CD9: variants seen among roughly 807,000 people sequenced by gnomAD.
CD9 encodes the protein CD9 antigen.
CD9 carries 10 observed loss-of-function variants against 31.4 expected under a neutral mutation model. The ratio of observed to expected loss-of-function variants is 0.32; its 90% CI spans 0.20 to 0.54. CD9 has a LOEUF of 0.54. CD9 is among the 20% of genes least tolerant of loss of function. The pLI is 0.94. For missense variants in CD9, 259 were observed against 300.1 expected (o/e 0.86, Z 1.01); for synonymous variants, 113 against 114.1 (o/e 0.99, Z 0.06).
At chr12:6,200,686 G>A in intron 1 of CD9, 121 bp downstream of exon 1, 1 of 614,586 alleles carries the variant, frequency 1.6e-6, no homozygotes, top group Non-Finnish European at 2.8e-6. Context: ...GCACCGGGCG[G>A]GAAGAGAGAG....
At chr12:6,227,037 C>T (rs1160788789) in intron 2 of CD9, among the ~76,000 whole-genome samples, 1 of 152,142 alleles carries the variant, frequency 6.6e-6, no homozygotes, top group Non-Finnish European at 1.5e-5. Context: ...AAGAGAGACT[C>T]AGTCCTCCCT....
chr12:6,235,845 C>A, intron 6 of CD9: 1 of 1,370,526 alleles, frequency 7.3e-7, no homozygotes, highest in South Asian at 1.8e-5. Flanking sequence ...GTCTTGGACT[C>A]CCACTCTGAC....
intron 1 of CD9, among the ~76,000 whole-genome samples, chr12:6,203,173 G>A (rs1946094691): frequency 6.6e-6 from 1 of 152,162 alleles, no homozygotes; most frequent in Non-Finnish European, 1.5e-5. Flanking sequence ...CCATTTCCCA[G>A]AGAGGTTAGG....
chr12:6,236,653 A>G (rs1476313469), intron 7 of CD9: 12 of 420,658 alleles, frequency 2.9e-5, no homozygotes, highest in Non-Finnish European at 5.0e-5. Flanking sequence ...GAATTGTTCC[A>G]TTTCCTGAAG....
At chr12:6,230,371 G>A (rs372532012) in intron 2 of CD9, among the ~76,000 whole-genome samples, 4 of 152,206 alleles carry the variant, frequency 2.6e-5, no homozygotes, top group South Asian at 2.1e-4. Flanking sequence ...CTTTCTCTGC[G>A]TGGGAAATAC....
At chr12:6,223,986 C>G (rs928210423) in intron 1 of CD9, among the ~76,000 whole-genome samples, 1 of 152,174 alleles carries the variant, frequency 6.6e-6, no homozygotes, top group Non-Finnish European at 1.5e-5. Context: ...TCTCCTCTGC[C>G]TTGTCCAGCC....
intron 6 of CD9, chr12:6,235,825 G>A (rs544795918): frequency 1.6e-5 from 22 of 1,377,162 alleles, no homozygotes; most frequent in African/African-American, 5.8e-5. Context: ...AAGGGCAGGC[G>A]TGCTTCTGAG....
chr12:6,232,876 C>A lies in CD9; in HGVS notation c.273+147C>A. The A allele has an allele frequency of 1.4e-6, 1 of 710,876 alleles. No homozygotes were observed. The highest frequency in any genetic ancestry group is 2.6e-6 in the Non-Finnish European group (1 of 392,114). 44.0% of individuals were successfully genotyped at this position (710,876 alleles called of 1,614,324 possible). On this transcript the variant is annotated intron_variant, in intron 3 of 7. Coordinates refer to ENST00000009180, the MANE Select transcript of CD9 (RefSeq NM_001769.4). The surrounding 1 kb of genome is among the most constrained non-coding windows in gnomAD (Gnocchi z 4.8). Reference sequence around the variant, plus strand: ...CATGAGCTGTCCTCAGCCTGGGCCCCTCCCCGATGTGAGGCGTCGCCCCTC... The same window carrying A: ...CATGAGCTGTCCTCAGCCTGGGCCCATCCCCGATGTGAGGCGTCGCCCCTC...
intron 2 of CD9, among the ~76,000 whole-genome samples, chr12:6,226,549 G>A (rs1422970047): frequency 1.3e-5 from 2 of 152,180 alleles, no homozygotes; most frequent in African/African-American, 4.8e-5. Context: ...GGCCAGCCAC[G>A]TAGACCTTCC....
intron 1 of CD9, among the ~76,000 whole-genome samples, chr12:6,208,074 A>G (rs895142304): frequency 1.3e-5 from 2 of 152,084 alleles, no homozygotes; most frequent in Non-Finnish European, 2.9e-5. Context: ...AAAATGCAAA[A>G]TTAGCCAGTC....
chr12:6,237,811 A>C lies in CD9; in HGVS notation c.670A>C (p.Asn224His). 1 of 1,613,148 alleles carries C rather than the reference A, an allele frequency of 6.2e-7. No homozygotes were observed. Among genetic ancestry groups the C allele is most frequent in the South Asian group, 1.1e-5 (1 of 91,046 alleles). ...GATCTTGTGCTGTGCTATCCGCAGG[A>C]ACCGCGAGATGGTCTAGAGTCAGCT... ...SMILCCAIRRNREMV is the reference protein window; with the variant it reads ...SMILCCAIRRHREMV The change falls in exon 8 of 8, where the codon AAC becomes CAC. Residue 224 changes from asparagine (N) to histidine (H), a missense_variant. Asn to His is a moderately conservative substitution (Grantham distance 68). Transcript: ENST00000009180.
intron 7 of CD9, among the ~76,000 whole-genome samples, 156 bp from the exon 8 acceptor site, chr12:6,237,607 A>G (rs760818402): frequency 1.3e-5 from 2 of 152,150 alleles, no homozygotes; most frequent in Non-Finnish European, 2.9e-5. Context: ...TCTGGCCTGC[A>G]TCTCTCCTGC....
intron 2 of CD9, among the ~76,000 whole-genome samples, chr12:6,225,895 A>G (rs903541177): frequency 3.5e-4 from 53 of 152,110 alleles, no homozygotes; most frequent in Non-Finnish European, 7.1e-4. Flanking sequence ...CCTTAATTCA[A>G]AAAGCTTTGT....
chr12:6,225,115 G>T (rs1256127642), intron 1 of CD9: 8 of 319,818 alleles, frequency 2.5e-5, no homozygotes, highest in Non-Finnish European at 4.0e-5. Flanking sequence ...AGCATTGTGA[G>T]ATGCACTCAT....
Position 6,225,758 on chromosome 12 carries a change from A to G in CD9, c.175+224A>G, listed in dbSNP as rs1946357200. ...GGTTTCTTTTCCTGATGGCCAAGTC[A>G]GGCATGTTGATGGTTCTCTGATGTG... On this transcript the variant is annotated intron_variant, in intron 2 of 7. Coordinates refer to ENST00000009180, the MANE Select transcript of CD9 (RefSeq NM_001769.4). 4 of 560,722 alleles carry G rather than the reference A, an allele frequency of 7.1e-6. No individual in the cohort carries two copies. The Admixed American group carries it at 1.3e-4, about 18-fold the overall frequency. The allele number at this position is 560,722 out of a possible 1,614,324, so 34.7% of individuals were successfully genotyped here.
intron 1 of CD9, among the ~76,000 whole-genome samples, chr12:6,220,863 G>A (rs539036599): frequency 1.8e-4 from 27 of 152,310 alleles, no homozygotes; most frequent in African/African-American, 6.0e-4. Flanking sequence ...GGAAACCACC[G>A]TTGGTACATT....
chr12:6,219,076 G>A (rs916869102), intron 1 of CD9, among the ~76,000 whole-genome samples: 6 of 152,196 alleles, frequency 3.9e-5, no homozygotes, highest in South Asian at 4.2e-4. Flanking sequence ...CTCAATCTCC[G>A]CTCATTGCAA....
chr12:6,227,861 C>T lies in CD9; in HGVS notation c.175+2327C>T, dbSNP rs191320781. On this transcript the variant is annotated intron_variant, in intron 2 of 7. Transcript: ENST00000009180. ...CCAAATTGCAGTCAGGGAGAGAAAC[C>T]CCTGCGTCGGTGGCCCAGCCAGCAG... Among the ~76,000 whole-genome samples the T allele has an allele frequency of 5.6e-4, 85 of 152,296 alleles. 1 individual carries two copies. Among genetic ancestry groups the T allele is most frequent in the Non-Finnish European group, 9.8e-4 (67 of 68,022 alleles).
intron 1 of CD9, among the ~76,000 whole-genome samples, chr12:6,209,727 C>T (rs1946172889): frequency 1.3e-5 from 2 of 148,478 alleles, no homozygotes; most frequent in African/African-American, 5.0e-5. Context: ...TTCTGTTGCC[C>T]AGGCTGGAGT....
Sources: allele counts gnomAD v4.1 joint callset (sites outside exome capture counted in the v4.1 genomes callset), GRCh38; gene constraint gnomAD v4.1.1; non-coding constraint Gnocchi (gnomAD v3.1); transcripts MANE v1.5; gene names NCBI Gene and HGNC (gene_info 2026-07-23, HGNC 2026-07-21).